AFF4: variants seen among roughly 807,000 people sequenced by gnomAD.
AFF4 encodes the protein ALF transcription elongation factor 4.
AFF4 carries 13 observed loss-of-function variants against 124.8 expected under a neutral mutation model. The observed-to-expected ratio is 0.10, with a 90% CI of 0.07 to 0.17. The LOEUF (loss-of-function observed/expected upper bound fraction) is 0.17. Ranked by LOEUF, AFF4 falls within the 10% of genes least tolerant of loss-of-function variation. The pLI is 1.00. For missense variants in AFF4, 1,092 were observed against 1,403.8 expected, an observed-to-expected ratio of 0.78 and a Z score of 3.55; for synonymous variants, 477 against 496.1, an observed-to-expected ratio of 0.96 and a Z score of 0.51.
chr5:132,919,005 T>TG (rs1760979736), intron 5 of AFF4, among the ~76,000 whole-genome samples: 1 of 151,842 alleles, frequency 6.6e-6, no homozygotes, highest in Non-Finnish European at 1.5e-5. Flanking sequence ...CTCAGCCTCC[T>TG]GAGTAGCTGG....
At chr5:132,900,732 C>T (rs746188495) in intron 7 of AFF4, 8 of 435,626 alleles carry the variant, frequency 1.8e-5, no homozygotes, top group Non-Finnish European at 2.4e-5. Flanking sequence ...AAAATCAAAA[C>T]CATTAAACTT....
At chr5:132,958,830 C>G (rs900457773) in intron 1 of AFF4, among the ~76,000 whole-genome samples, 3 of 152,136 alleles carry the variant, frequency 2.0e-5, no homozygotes, top group Admixed American at 1.3e-4. Flanking sequence ...AGGCCCAAAG[C>G]AACTCCAGGC....
intron 1 of AFF4, among the ~76,000 whole-genome samples, chr5:132,959,494 T>C (rs1360529128): frequency 6.6e-6 from 1 of 151,988 alleles, no homozygotes. Context: ...AAAAATAGAA[T>C]AGGTAGTTCT....
chr5:132,883,673 C>T, intron 19 of AFF4, 113 bp from the exon 20 acceptor site: 1 of 918,468 alleles, frequency 1.1e-6, no homozygotes, highest in Non-Finnish European at 1.6e-6. Flanking sequence ...TTCTCTTAAA[C>T]TAGATGGGTT....
At chr5:132,933,371 T>A (rs193041161) in intron 3 of AFF4, among the ~76,000 whole-genome samples, 1 of 148,172 alleles carries the variant, frequency 6.7e-6, no homozygotes, top group East Asian at 2.0e-4. Context: ...CACTCTAGCA[T>A]GGGCAACAAG....
intron 1 of AFF4, among the ~76,000 whole-genome samples, chr5:132,949,294 G>A (rs909806795): frequency 2.9e-5 from 4 of 138,146 alleles, no homozygotes; most frequent in African/African-American, 8.4e-5. Flanking sequence ...CAATCCCCCT[G>A]CCACAGCCTT....
At position 132,892,185 on chromosome 5, in the gene AFF4, G is replaced by A. The variant is rs1233923408; in HGVS notation, c.2616C>T (p.Ser872=). Residue 872 remains serine (S), a synonymous_variant, in exon 13 of 21, where the codon TCC becomes TCT. Transcript: ENST00000265343. The part of the protein sequence containing the change: ...SKQKKTEGKT[S]SSSKEVKEKA... ...TTACCTTAACCTCCTTGGAGCTACTGGAAGTCTTCCCTTCGGTCTTCTTCT... is the reference window on the plus strand; with the variant it reads ...TTACCTTAACCTCCTTGGAGCTACTAGAAGTCTTCCCTTCGGTCTTCTTCT... 1 of 1,614,084 alleles carries A rather than the reference G, an allele frequency of 6.2e-7. No individual in the cohort carries two copies. Among genetic ancestry groups the A allele is most frequent in the African/African-American group, 1.3e-5 (1 of 75,034 alleles).
Position 132,959,757 on chromosome 5 carries a change from CTTTTTTTTTTTT to C in AFF4, c.-5+3490_-5+3501del, listed in dbSNP as rs1163731664. 7.0e-5 allele frequency among the ~76,000 whole-genome samples: 5 copies of C among 71,508 alleles called. No individual in the cohort carries two copies. In the Admixed American group the frequency reaches 1.0e-3, roughly 15 times the overall value. The allele number at this position is 71,508 out of a possible 152,430, so 46.9% of individuals were successfully genotyped here. On this transcript the variant is annotated intron_variant, in intron 1 of 20. Transcript: ENST00000265343. Reference sequence around the variant, plus strand: ...GTTAACAACAAGTAGGAGTGCTTTTCTTTTTTTTTTTTTTTTTTTTTTTTTGAGACGGAGTCT... The same window carrying C: ...GTTAACAACAAGTAGGAGTGCTTTTCTTTTTTTTTTTTTGAGACGGAGTCT...
At chr5:132,950,550 G>A (rs902911748) in intron 1 of AFF4, among the ~76,000 whole-genome samples, 1 of 152,192 alleles carries the variant, frequency 6.6e-6, no homozygotes, top group African/African-American at 2.4e-5. Context: ...TCGGGAGGCT[G>A]AGGTAGGACA....
chr5:132,902,366 G>C, intron 7 of AFF4, 76 bp downstream of exon 7: 1 of 1,253,298 alleles, frequency 8.0e-7, no homozygotes, highest in South Asian at 1.2e-5. Context: ...TCTAAATACT[G>C]TTCAAAATAC....
chr5:132,882,854 CAAA>C (rs59412090), intron 20 of AFF4, among the ~76,000 whole-genome samples: 1 of 123,470 alleles, frequency 8.1e-6, no homozygotes, highest in Admixed American at 8.6e-5. Context: ...AACTCCATCT[CAAA>C]AAAAAAAAAA....
At chr5:132,954,022 C>A (rs1761898022) in intron 1 of AFF4, among the ~76,000 whole-genome samples, 1 of 152,176 alleles carries the variant, frequency 6.6e-6, no homozygotes, top group Non-Finnish European at 1.5e-5. Context: ...TGATCTGACT[C>A]TTGTCTCCTC....
chr5:132,962,985 G>A (rs1391515153), intron 1 of AFF4, among the ~76,000 whole-genome samples: 9 of 152,114 alleles, frequency 5.9e-5, no homozygotes, highest in Non-Finnish European at 1.3e-4. Flanking sequence ...GAACGTCTGA[G>A]GAAAGAAAGA....
chr5:132,937,209 C>A lies in AFF4; in HGVS notation c.-4-16G>T. The A allele has an allele frequency of 1.3e-6, 2 of 1,594,950 alleles. No individual in the cohort carries two copies. Among genetic ancestry groups the A allele is most frequent in the African/African-American group, 1.3e-5 (1 of 74,552 alleles). ...GTTCATGTTGCTATGAAAAGAAACA[C>A]AATCTTTGTATCACAGAAATAAAAG... is the stretch of plus-strand genomic sequence containing the variant. On this transcript the variant is annotated splice_polypyrimidine_tract_variant and intron_variant, in intron 1 of 20. Transcript: ENST00000265343.
rs1399754823 is a variant in AFF4 at position 132,875,517 on chromosome 5, T to TAAGGG, written c.*5541_*5542insCCCTT. On this transcript the variant is annotated 3_prime_UTR_variant, in exon 21 of 21. Transcript: ENST00000265343. ...AAGATCTTTACAAATTGAAATGTGA[T>TAAGGG]ACCCTTGTCTCCAAATATTTTAATT... The TAAGGG allele has an allele frequency of 5.3e-6, 1 of 188,944 alleles. No individual in the cohort carries two copies. Among genetic ancestry groups the TAAGGG allele is most frequent in the African/African-American group, 2.3e-5 (1 of 42,870 alleles). 11.7% of individuals were successfully genotyped at this position (188,944 alleles called of 1,614,324 possible).
intron 1 of AFF4, among the ~76,000 whole-genome samples, chr5:132,952,858 A>G (rs1761877200): frequency 6.6e-6 from 1 of 152,148 alleles, no homozygotes; most frequent in South Asian, 2.1e-4. Flanking sequence ...AGATCGTACC[A>G]CTGCACTCTA....
At chr5:132,912,173 CA>C (rs1188332109) in intron 5 of AFF4, among the ~76,000 whole-genome samples, 21,648 of 64,116 alleles carry the variant, frequency 0.34, 1,695 homozygotes, top group African/African-American at 0.41. Flanking sequence ...ACTAAAAATA[CA>C]AAAAAAAAAA....
At chr5:132,919,981 T>C (rs1561495254) in intron 5 of AFF4, among the ~76,000 whole-genome samples, 1 of 148,734 alleles carries the variant, frequency 6.7e-6, no homozygotes, top group Non-Finnish European at 1.5e-5. Flanking sequence ...TGGTCTCTTA[T>C]TTAAAAGAAA....
intron 5 of AFF4, among the ~76,000 whole-genome samples, chr5:132,922,071 C>T (rs1047904442): frequency 6.6e-6 from 1 of 152,154 alleles, no homozygotes; most frequent in African/African-American, 2.4e-5. Flanking sequence ...AGGTGTGAGG[C>T]ATAGACACCT....
Sources: allele counts gnomAD v4.1 joint callset (sites outside exome capture counted in the v4.1 genomes callset), GRCh38; gene constraint gnomAD v4.1.1; transcripts MANE v1.5; gene names NCBI Gene and HGNC (gene_info 2026-07-23, HGNC 2026-07-21).